The following ANKRD1 variants were observed in gnomAD, a reference collection of about 807,000 sequenced individuals.
ANKRD1 encodes the protein ankyrin repeat domain 1.
ANKRD1 carries 32 observed loss-of-function variants against 40.1 expected under a neutral mutation model. The ratio of observed to expected loss-of-function variants is 0.80; its 90% CI spans 0.60 to 1.07. The LOEUF is 1.07. ANKRD1 is among the 50% of genes least tolerant of loss of function. The probability of loss-of-function intolerance (pLI) is 0.00; values close to 1 mark genes in which losing one functional copy is unlikely to be tolerated. For synonymous variants in ANKRD1, 149 were observed against 141.2 expected (o/e 1.06, Z -0.39); for missense variants, 359 against 386.0 (o/e 0.93, Z 0.59).
intron 2 of ANKRD1, 33 bp downstream of exon 2, chr10:90,920,136 A>T (rs1847419286): frequency 1.9e-6 from 3 of 1,612,112 alleles, no homozygotes; most frequent in East Asian, 2.2e-5. Context: ...CAGCCCCAAC[A>T]TCCTACTAGT....
rs538579681 is a variant in ANKRD1 at position 90,918,104 on chromosome 10, G to A, written c.454-274C>T. Among the ~76,000 whole-genome samples, 3 of 151,774 alleles carry A rather than the reference G, an allele frequency of 2.0e-5. No individual in the cohort carries two copies. In the South Asian group the frequency reaches 6.3e-4, roughly 32 times the overall value. On this transcript the variant is annotated intron_variant, in intron 4 of 8. Coordinates refer to ENST00000371697, the MANE Select transcript of ANKRD1 (RefSeq NM_014391.3). ...AAAGGCTCAAAACTATCTAAATGCT[G>A]ACATCTCCGTTTCTTCTATCTTGCA...
Position 90,912,915 on chromosome 10 carries a change from TCGA to T in ANKRD1, c.908_910del (p.Phe303_Asp304delinsTyr), listed in dbSNP as rs1397767073. The stretch of plus-strand genomic sequence containing the variant: ...CTTGTAGGAGTTCTCTCTGAGGCTG[TCGA>T]ATATTGCTTTGGTTCCATTCTGCCA... On this transcript the variant is annotated inframe_deletion, in exon 9 of 9. Coordinates refer to ENST00000371697, the MANE Select transcript of ANKRD1 (RefSeq NM_014391.3). 3.1e-6 allele frequency: 5 copies of T among 1,613,972 alleles called. No homozygotes were observed. In the East Asian group the frequency reaches 1.1e-4, roughly 36 times the overall value.
chr10:90,914,512 A>C (rs1421844224), intron 8 of ANKRD1, among the ~76,000 whole-genome samples: 1 of 152,182 alleles, frequency 6.6e-6, no homozygotes, highest in Non-Finnish European at 1.5e-5. Flanking sequence ...ATAGTTTAAA[A>C]AAATATTAGA....
chr10:90,915,954 GA>G (rs1251252966), intron 6 of ANKRD1, 74 bp from the exon 7 acceptor site: 2 of 1,473,190 alleles, frequency 1.4e-6, no homozygotes, highest in Non-Finnish European at 1.9e-6. Flanking sequence ...AGACATGTGC[GA>G]GGGGGAGAAG....
In ANKRD1 at chr10:90,915,829, C is replaced by G; in HGVS notation, c.703G>C (p.Ala235Pro). ...VAVRTGHYECAEHLIACEADL... is the reference protein window; with the variant it reads ...VAVRTGHYECPEHLIACEADL... ...GCCTCACAGGCGATAAGATGCTCCG[C>G]GCACTCATAGTGGCCAGTCCTCACC... The change falls in exon 7 of 9, where the codon GCG becomes CCG. Residue 235 changes from alanine (A) to proline (P), a missense_variant. Ala to Pro is a conservative substitution (Grantham distance 27, BLOSUM62 -1). Transcript: ENST00000371697. The G allele has an allele frequency of 6.2e-7, 1 of 1,613,684 alleles. No individual in the cohort carries two copies. The highest frequency in any genetic ancestry group is 1.1e-5 in the South Asian group (1 of 91,034).
chr10:90,916,889 A>C (rs1589509335), intron 5 of ANKRD1, among the ~76,000 whole-genome samples: 1 of 152,128 alleles, frequency 6.6e-6, no homozygotes, highest in African/African-American at 2.4e-5. Flanking sequence ...TTTTGCTAGC[A>C]CAGCCTCTGT....
chr10:90,919,088 A>G (rs1847404664), intron 3 of ANKRD1, 43 bp downstream of exon 3: 2 of 1,611,024 alleles, frequency 1.2e-6, no homozygotes, highest in East Asian at 2.2e-5. Flanking sequence ...CTGTAGCACA[A>G]CACTGGACAT....
In ANKRD1 at chr10:90,915,627, CG is replaced by C. The variant is rs753476942; in HGVS notation, c.764del (p.Pro255ArgfsTer6). The part of the protein sequence containing the change: ...LNAKDREGDT[P>X]LHDAVRLNRY... Reference sequence around the variant, plus strand: ...GGTTCAGTCTCACCGCATCATGCAACGGGGTATCTCCTTCCTAGAGAAGCAG... The same window carrying C: ...GGTTCAGTCTCACCGCATCATGCAACGGGTATCTCCTTCCTAGAGAAGCAG... On this transcript the variant is annotated frameshift_variant, in exon 8 of 9. Coordinates refer to ENST00000371697, the MANE Select transcript of ANKRD1 (RefSeq NM_014391.3). LOFTEE classifies it high-confidence loss of function. 14 of 1,613,972 alleles carry C rather than the reference CG, an allele frequency of 8.7e-6. No homozygotes were observed. The highest frequency in any genetic ancestry group is 1.2e-5 in the Non-Finnish European group (14 of 1,179,968).
At chr10:90,920,923 G>C in intron 1 of ANKRD1, 78 bp downstream of exon 1, 1 of 1,397,544 alleles carries the variant, frequency 7.2e-7, no homozygotes, top group Non-Finnish European at 1.0e-6. Flanking sequence ...ACACCTGAAA[G>C]CAAAGGGCAT....
chr10:90,920,068 T>G, intron 2 of ANKRD1, 101 bp downstream of exon 2: 2 of 1,510,874 alleles, frequency 1.3e-6, no homozygotes, highest in Admixed American at 1.7e-5. Flanking sequence ...TAAAGAGACA[T>G]CTTAATGATT....
Position 90,912,267 on chromosome 10 carries a change from C to T in ANKRD1, c.*599G>A, listed in dbSNP as rs948681775. On this transcript the variant is annotated 3_prime_UTR_variant, in exon 9 of 9. Coordinates refer to ENST00000371697, the MANE Select transcript of ANKRD1 (RefSeq NM_014391.3). ...GCACTTACACTCATGACGTTCTCTT[C>T]ACTTGGGTACTCTGTGTACTCGGTA... 1 of 120,138 alleles carries T rather than the reference C, an allele frequency of 8.3e-6. No individual in the cohort carries two copies. Among genetic ancestry groups the T allele is most frequent in the African/African-American group, 3.1e-5 (1 of 31,858 alleles). The allele number at this position is 120,138 out of a possible 1,614,324, so 7.4% of individuals were successfully genotyped here. A position where few individuals can be genotyped will look rare whatever the true frequency, so the allele number is the denominator to read the frequency against.
rs752256385 is a variant in ANKRD1, at chr10:90,915,532, C to T, written c.849+11G>A. Reference sequence around the variant, plus strand: ...AGCTTGCAAGCGGTGTTTCTTGTTTCCAGTACTTACACAGTTCTTGATGTT... The same window carrying T: ...AGCTTGCAAGCGGTGTTTCTTGTTTTCAGTACTTACACAGTTCTTGATGTT... On this transcript the variant is annotated intron_variant, in intron 8 of 8. Transcript: ENST00000371697. The T allele has an allele frequency of 6.2e-7, 1 of 1,607,428 alleles. No individual in the cohort carries two copies. The highest frequency in any genetic ancestry group is 2.2e-5 in the East Asian group (1 of 44,588).
At chr10:90,914,294 A>T (rs988483719) in intron 8 of ANKRD1, among the ~76,000 whole-genome samples, 8 of 152,132 alleles carry the variant, frequency 5.3e-5, no homozygotes, top group African/African-American at 1.9e-4. Flanking sequence ...TCAGAACCCT[A>T]AGCCGTATTT....
rs1201004737 is a variant in ANKRD1, at chr10:90,912,136, A to G, written c.*730T>C. Reference sequence around the variant, plus strand: ...CCTTTATTATGAATATAAAATGTACATACAATACAATATACATTTATACAT... The same window carrying G: ...CCTTTATTATGAATATAAAATGTACGTACAATACAATATACATTTATACAT... On this transcript the variant is annotated 3_prime_UTR_variant, in exon 9 of 9. Transcript: ENST00000371697. 1 of 151,724 alleles carries G rather than the reference A, an allele frequency of 6.6e-6. No homozygotes were observed. The highest frequency in any genetic ancestry group is 2.4e-5 in the African/African-American group (1 of 41,322). 9.4% of individuals were successfully genotyped at this position (151,724 alleles called of 1,614,324 possible). A position where few individuals can be genotyped will look rare whatever the true frequency, so the allele number is the denominator to read the frequency against.
chr10:90,918,857 A>G lies in ANKRD1; in HGVS notation c.453+8T>C, dbSNP rs375717814. 35 of 1,593,370 alleles carry G rather than the reference A, an allele frequency of 2.2e-5. No homozygotes were observed. Among genetic ancestry groups the G allele is most frequent in the Non-Finnish European group, 3.0e-5 (35 of 1,163,560 alleles). Reference sequence around the variant, plus strand: ...GCTGGATTTTGCAGTGCTTTGCATGAGTCTTACCTCATCACAAACATCTGG... The same window carrying G: ...GCTGGATTTTGCAGTGCTTTGCATGGGTCTTACCTCATCACAAACATCTGG... On this transcript the variant is annotated splice_region_variant and intron_variant, in intron 4 of 8. Transcript: ENST00000371697.
chr10:90,916,376 T>C (rs929073849), intron 5 of ANKRD1, 107 bp from the exon 6 acceptor site: 33 of 803,928 alleles, frequency 4.1e-5, no homozygotes, highest in Admixed American at 1.7e-4. Flanking sequence ...CCCATCTAGA[T>C]TGACAATTCT....
At chr10:90,916,942 A>G (rs1023164860) in intron 5 of ANKRD1, among the ~76,000 whole-genome samples, 2 of 152,106 alleles carry the variant, frequency 1.3e-5, no homozygotes, top group African/African-American at 2.4e-5. Context: ...TAACGTGTAT[A>G]GTTACCCCTA....
chr10:90,920,252 G>T lies in ANKRD1; in HGVS notation c.124C>A (p.Gln42Lys). ...GCTAGAAGTGTCTTCAGATCCTCCT[G>T]CTTCTCTAAAGTAACAGCAGCTTCA... ...EYEAAVTLEK[Q>K]EDLKTLLAHP... The change falls in exon 2 of 9, where the codon CAG (glutamine) becomes AAG (lysine). Residue 42 changes from glutamine to lysine, a missense_variant. Physicochemically the swap from Gln to Lys is moderately conservative, Grantham distance 53. Transcript: ENST00000371697. The T allele has an allele frequency of 6.2e-7, 1 of 1,614,028 alleles. No homozygotes were observed. The highest frequency in any genetic ancestry group is 1.1e-5 in the South Asian group (1 of 91,018).
At chr10:90,915,511 T>C in intron 8 of ANKRD1, 32 bp downstream of exon 8, 1 of 1,587,556 alleles carries the variant, frequency 6.3e-7, no homozygotes. Flanking sequence ...TTGGAAAGCT[T>C]GCAAGCGGTG....
Sources: gnomAD v4.1 joint callset for allele counts (sites outside exome capture counted in the v4.1 genomes callset) on GRCh38, gnomAD v4.1.1 for gene constraint, MANE v1.5 for transcripts, NCBI Gene and HGNC (gene_info 2026-07-23, HGNC 2026-07-21) for gene names.